Variants in RIC1 observed in about 807,000 individuals in gnomAD.
RIC1 encodes the protein RIC1 partner of RAB6A GEF complex.
In RIC1, 88 loss-of-function variants were observed where a neutral mutation model predicts 169.0. The ratio of observed to expected loss-of-function variants is 0.52; its 90% CI spans 0.44 to 0.62. The LOEUF (loss-of-function observed/expected upper bound fraction) is 0.62, where lower values mean the gene tolerates loss of function less well. Among genes scored for constraint, RIC1 ranks in the 20% least tolerant of loss-of-function variants. The pLI is 0.00. For missense variants in RIC1, 1,877 were observed against 1,725.5 expected, an observed-to-expected ratio of 1.09 and a Z score of -1.56; for synonymous variants, 790 against 601.5, an observed-to-expected ratio of 1.31 and a Z score of -4.59.
rs1160898002 is a variant in RIC1, at chr9:5,746,791, G to A, written c.1249-511G>A. Among the ~76,000 whole-genome samples the A allele has an allele frequency of 3.9e-5, 6 of 152,034 alleles. No individual in the cohort carries two copies. In the East Asian group the frequency reaches 7.7e-4, roughly 20 times the overall value. ...TACCTACCATCAATGGCTTTTTAATGGATATTTGGTACAACAAATTTCTAA... is the reference window on the plus strand; with the variant it reads ...TACCTACCATCAATGGCTTTTTAATAGATATTTGGTACAACAAATTTCTAA... On this transcript the variant is annotated intron_variant, in intron 11 of 25. Transcript: ENST00000414202.
chr9:5,711,977 G>A (rs1822957806), intron 3 of RIC1, among the ~76,000 whole-genome samples: 1 of 152,076 alleles, frequency 6.6e-6, no homozygotes. Flanking sequence ...GTCTATCATT[G>A]TTGAACATTT....
chr9:5,629,196 TGCCGCC>T lies in RIC1; in HGVS notation c.-100_-95del, dbSNP rs988760881. 407 of 1,119,530 alleles carry T rather than the reference TGCCGCC, an allele frequency of 3.6e-4. 2 individuals are homozygous for T. The highest frequency in any genetic ancestry group is 1.9e-3 in the African/African-American group (118 of 60,974). 69.3% of individuals were successfully genotyped at this position (1,119,530 alleles called of 1,614,324 possible). A position where few individuals can be genotyped will look rare whatever the true frequency, so the allele number is the denominator to read the frequency against. On this transcript the variant is annotated 5_prime_UTR_variant, in exon 1 of 26. Coordinates refer to ENST00000414202, the MANE Select transcript of RIC1 (RefSeq NM_020829.4). ...AGGCCAGCGGGCAGATGCCCCGAGC[TGCCGCC>T]GCCGCCGCCGCCGACTCGGCCGGTG...
At chr9:5,767,237 A>G (rs1826836808) in intron 21 of RIC1, among the ~76,000 whole-genome samples, 1 of 152,204 alleles carries the variant, frequency 6.6e-6, no homozygotes, top group South Asian at 2.1e-4. Flanking sequence ...CTTGTGACCT[A>G]TTGATTAGAG....
At chr9:5,757,284 A>G (rs1251971206) in intron 16 of RIC1, 29 bp from the exon 17 acceptor site, 3 of 1,611,580 alleles carry the variant, frequency 1.9e-6, no homozygotes, top group Non-Finnish European at 8.5e-7. Context: ...ATTGTTGTTG[A>G]GGTATGTGGG....
At chr9:5,680,484 G>A (rs183293641) in intron 2 of RIC1, among the ~76,000 whole-genome samples, 1 of 152,008 alleles carries the variant, frequency 6.6e-6, no homozygotes, top group Admixed American at 6.6e-5. Flanking sequence ...ACTTTTTTTG[G>A]TTGGTAAGCT....
intron 12 of RIC1, among the ~76,000 whole-genome samples, chr9:5,752,039 C>G (rs1434178097): frequency 1.3e-5 from 2 of 152,196 alleles, no homozygotes; most frequent in African/African-American, 4.8e-5. Context: ...TCTCGCCCCA[C>G]TCCAACATGT....
intron 19 of RIC1, among the ~76,000 whole-genome samples, chr9:5,764,565 C>T (rs1017134583): frequency 1.3e-5 from 2 of 152,142 alleles, no homozygotes; most frequent in East Asian, 3.8e-4. Flanking sequence ...AGAAGCTAAC[C>T]ATAAACCTGG....
intron 6 of RIC1, among the ~76,000 whole-genome samples, chr9:5,727,091 A>C: frequency 6.6e-6 from 1 of 152,034 alleles, no homozygotes; most frequent in Non-Finnish European, 1.5e-5. Flanking sequence ...CTGAATTTGA[A>C]TGTTGGTCTG....
intron 1 of RIC1, among the ~76,000 whole-genome samples, chr9:5,636,329 GT>G (rs1025880431): frequency 6.6e-6 from 1 of 151,182 alleles, no homozygotes; most frequent in African/African-American, 2.4e-5. Flanking sequence ...TTCTTTTTCT[GT>G]TTTTTTTAGA....
chr9:5,686,521 A>T (rs201393096), intron 2 of RIC1, among the ~76,000 whole-genome samples: 3 of 151,634 alleles, frequency 2.0e-5, no homozygotes, highest in African/African-American at 4.8e-5. Context: ...GTAAACTATC[A>T]CAAGAACAAA....
At chr9:5,664,963 C>A (rs867025745) in intron 2 of RIC1, among the ~76,000 whole-genome samples, 1 of 152,140 alleles carries the variant, frequency 6.6e-6, no homozygotes, top group East Asian at 1.9e-4. Flanking sequence ...TCTAACAGGT[C>A]GGTTATGTTG....
chr9:5,630,680 CTT>C (rs1474212466), intron 1 of RIC1, among the ~76,000 whole-genome samples: 5 of 152,106 alleles, frequency 3.3e-5, no homozygotes, highest in African/African-American at 4.8e-5. Context: ...ACAAAACAAA[CTT>C]ATAAAATCGT....
At chr9:5,744,629 G>C (rs1026039055) in intron 10 of RIC1, among the ~76,000 whole-genome samples, 1 of 152,034 alleles carries the variant, frequency 6.6e-6, no homozygotes, top group African/African-American at 2.4e-5. Flanking sequence ...TAATAATTTT[G>C]TACATAAAAC....
intron 1 of RIC1, among the ~76,000 whole-genome samples, chr9:5,630,037 T>C (rs1817643062): frequency 6.6e-6 from 1 of 152,222 alleles, no homozygotes; most frequent in Admixed American, 6.5e-5. Flanking sequence ...AGTTGGTCTT[T>C]TTCTTTGCTG....
At chr9:5,649,706 T>TA (rs1324908806) in intron 1 of RIC1, among the ~76,000 whole-genome samples, 3 of 151,640 alleles carry the variant, frequency 2.0e-5, no homozygotes, top group Non-Finnish European at 4.4e-5. Flanking sequence ...GCTGGGGAAT[T>TA]ATTGTGTTCC....
At chr9:5,769,371 G>A (rs1227153342) in intron 22 of RIC1, 115 bp downstream of exon 22, 7 of 1,606,284 alleles carry the variant, frequency 4.4e-6, no homozygotes, top group Non-Finnish European at 6.0e-6. Context: ...ACTTAGGAAT[G>A]GATAAAAGCC....
intron 2 of RIC1, among the ~76,000 whole-genome samples, chr9:5,669,087 T>C (rs1183297656): frequency 1.3e-5 from 2 of 152,194 alleles, no homozygotes; most frequent in African/African-American, 2.4e-5. Context: ...CTTTTATGAT[T>C]TTTTGAAACT....
At chr9:5,692,116 A>G (rs1821622077) in intron 3 of RIC1, among the ~76,000 whole-genome samples, 1 of 152,098 alleles carries the variant, frequency 6.6e-6, no homozygotes, top group African/African-American at 2.4e-5. Context: ...CTTTTACTAT[A>G]TTGAAAGTTT....
intron 6 of RIC1, among the ~76,000 whole-genome samples, chr9:5,727,829 G>A (rs1365696248): frequency 6.6e-6 from 1 of 152,230 alleles, no homozygotes; most frequent in Admixed American, 6.5e-5. Context: ...GTTTGCCTGG[G>A]TATCACTAGC....
Sources: gnomAD v4.1 joint callset for allele counts (sites outside exome capture counted in the v4.1 genomes callset) on GRCh38, gnomAD v4.1.1 for gene constraint, MANE v1.5 for transcripts, NCBI Gene and HGNC (gene_info 2026-07-23, HGNC 2026-07-21) for gene names.